HS3ST3A1: variants seen among roughly 807,000 people sequenced by gnomAD.
HS3ST3A1 encodes the protein heparan sulfate glucosamine 3-O-sulfotransferase 3A1.
A neutral mutation model predicts 25.7 loss-of-function variants in HS3ST3A1; 19 were observed. The observed-to-expected ratio is 0.74, with a 90% CI of 0.52 to 1.08. The LOEUF (loss-of-function observed/expected upper bound fraction) is 1.08. Among genes scored for constraint, HS3ST3A1 ranks in the 50% least tolerant of loss-of-function variants. The pLI, the probability that HS3ST3A1 is intolerant of heterozygous loss-of-function variation, is 0.00. For missense variants in HS3ST3A1, 459 were observed against 594.3 expected (o/e 0.77, Z 2.37); for synonymous variants, 226 against 278.6 (o/e 0.81, Z 1.88).
At chr17:13,583,137 A>T (rs1379218099) in intron 1 of HS3ST3A1, among the ~76,000 whole-genome samples, 1 of 152,180 alleles carries the variant, frequency 6.6e-6, no homozygotes, top group Non-Finnish European at 1.5e-5. Context: ...GGCATCTGTG[A>T]ATTTTAGGAC....
chr17:13,583,858 G>A (rs891890920), intron 1 of HS3ST3A1, among the ~76,000 whole-genome samples: 5 of 152,138 alleles, frequency 3.3e-5, no homozygotes, highest in Non-Finnish European at 7.4e-5. Flanking sequence ...GCTTAGTTTG[G>A]TTTTGTTTTG....
intron 1 of HS3ST3A1, among the ~76,000 whole-genome samples, chr17:13,589,402 C>G (rs945087642): frequency 1.3e-5 from 2 of 152,200 alleles, no homozygotes; most frequent in African/African-American, 4.8e-5. Context: ...CCTCTCCCCA[C>G]ATAAATATAA....
chr17:13,502,881 A>C (rs1403652096), intron 1 of HS3ST3A1, among the ~76,000 whole-genome samples: 2 of 19,102 alleles, frequency 1.0e-4, no homozygotes, highest in Non-Finnish European at 1.2e-4. Flanking sequence ...AACTATAATG[A>C]AAAAAAAAAA....
chr17:13,601,120 G>C lies in HS3ST3A1; in HGVS notation c.10C>G (p.Pro4Ala), dbSNP rs758443566. The change falls in exon 1 of 2, where the codon CCG (proline) becomes GCG (alanine). Residue 4 changes from proline to alanine, a missense_variant. Physicochemically the swap from Pro to Ala is conservative, Grantham distance 27. Coordinates refer to ENST00000284110, the MANE Select transcript of HS3ST3A1 (RefSeq NM_006042.3). Reference protein sequence around the residue: MAPPGPASALSTSA... With the variant: MAPAGPASALSTSA... Reference sequence around the variant, plus strand: ...GTGGAGAGGGCACTGGCCGGGCCCGGAGGGGCCATCCTAGCCGGAGGCGAC... The same window carrying C: ...GTGGAGAGGGCACTGGCCGGGCCCGCAGGGGCCATCCTAGCCGGAGGCGAC... 1.3e-6 allele frequency: 2 copies of C among 1,561,504 alleles called. No homozygotes were observed. The highest frequency in any genetic ancestry group is 3.7e-5 in the Admixed American group (2 of 53,520).
At chr17:13,595,710 A>G (rs1426538859) in intron 1 of HS3ST3A1, among the ~76,000 whole-genome samples, 1 of 152,218 alleles carries the variant, frequency 6.6e-6, no homozygotes, top group Non-Finnish European at 1.5e-5. Context: ...AGTTACTATC[A>G]CTTGGTGGAG....
chr17:13,594,889 T>C (rs1026201485), intron 1 of HS3ST3A1, among the ~76,000 whole-genome samples: 1 of 152,088 alleles, frequency 6.6e-6, no homozygotes, highest in Non-Finnish European at 1.5e-5. Context: ...GCAAATATGC[T>C]CTATCATGAT....
chr17:13,531,330 T>G (rs1490306814), intron 1 of HS3ST3A1, among the ~76,000 whole-genome samples: 1 of 152,186 alleles, frequency 6.6e-6, no homozygotes, highest in Non-Finnish European at 1.5e-5. Flanking sequence ...TAGCTCCCGT[T>G]GCATATCACC....
At chr17:13,526,142 C>T (rs777769638) in intron 1 of HS3ST3A1, among the ~76,000 whole-genome samples, 7 of 151,874 alleles carry the variant, frequency 4.6e-5, no homozygotes, top group African/African-American at 1.2e-4. Context: ...TGTGTCACTG[C>T]CCTGCAGTGC....
rs1906425775 is a variant in HS3ST3A1, at chr17:13,526,474, T to TATATATATATA, written c.600-29657_600-29656insTATATATATAT. On this transcript the variant is annotated intron_variant, in intron 1 of 1. Coordinates refer to ENST00000284110, the MANE Select transcript of HS3ST3A1 (RefSeq NM_006042.3). ...TTGAACTTGGATACAACTTTAATTT[T>TATATATATATA]TATATATATATATATATATATATAT... Among the ~76,000 whole-genome samples, 89 of 76,286 alleles carry TATATATATATA rather than the reference T, an allele frequency of 1.2e-3. 10 individuals carry two copies. The highest frequency in any genetic ancestry group is 1.5e-3 in the Non-Finnish European group (59 of 40,438). 50.0% of individuals were successfully genotyped at this position (76,286 alleles called of 152,430 possible).
chr17:13,532,128 T>C (rs1395542352), intron 1 of HS3ST3A1, among the ~76,000 whole-genome samples: 1 of 152,004 alleles, frequency 6.6e-6, no homozygotes, highest in Non-Finnish European at 1.5e-5. Context: ...ACAGCGTACT[T>C]TAAGGGGAGA....
intron 1 of HS3ST3A1, among the ~76,000 whole-genome samples, chr17:13,578,461 G>A (rs1908009506): frequency 6.6e-6 from 1 of 150,596 alleles, no homozygotes; most frequent in Non-Finnish European, 1.5e-5. Flanking sequence ...TACTTGGGAA[G>A]TGCAGGTAGA....
rs765096766 is a variant in HS3ST3A1 at position 13,600,581 on chromosome 17, G to C, written c.549C>G (p.Ala183=). The C allele has an allele frequency of 1.2e-5, 19 of 1,600,918 alleles. No individual in the cohort carries two copies. The highest frequency in any genetic ancestry group is 1.3e-5 in the Non-Finnish European group (15 of 1,178,232). ...RVHPDVRAVG[A]EPHFFDRSYD... ...AGCTGCGGTCGAAGAAGTGGGGCTC[G>C]GCGCCCACGGCGCGCACGTCGGGGT... is the stretch of plus-strand genomic sequence containing the variant. Residue 183 remains alanine, a synonymous_variant, in exon 1 of 2, where the codon GCC becomes GCG. Coordinates refer to ENST00000284110, the MANE Select transcript of HS3ST3A1 (RefSeq NM_006042.3).
chr17:13,557,180 G>T (rs575403099), intron 1 of HS3ST3A1, among the ~76,000 whole-genome samples: 1 of 152,320 alleles, frequency 6.6e-6, no homozygotes, highest in South Asian at 2.1e-4. Flanking sequence ...TTTCCTTAAT[G>T]GATGCCCTGC....
At chr17:13,578,476 T>C (rs187339599) in intron 1 of HS3ST3A1, among the ~76,000 whole-genome samples, 88 of 144,818 alleles carry the variant, frequency 6.1e-4, no homozygotes, top group African/African-American at 2.2e-3. Context: ...GGTAGAAGAA[T>C]CACTTGAACC....
In HS3ST3A1 at chr17:13,601,168, C is replaced by T. The variant is rs1908728708; in HGVS notation, c.-39G>A. The stretch of plus-strand genomic sequence containing the variant: ...GACGTCGGGCAACGCGCCGGCCATG[C>T]TAGGCCTGGACCCCGACAGGTGCCA... On this transcript the variant is annotated 5_prime_UTR_variant, in exon 1 of 2. The change abolishes the stop of an existing upstream ORF in the 5' untranslated region. Transcript: ENST00000284110. 6.9e-7 allele frequency: 1 copy of T among 1,442,634 alleles called. No homozygotes were observed. The highest frequency in any genetic ancestry group is 2.7e-5 in the East Asian group (1 of 36,406). The allele number at this position is 1,442,634 out of a possible 1,614,324, so 89.4% of individuals were successfully genotyped here.
intron 1 of HS3ST3A1, among the ~76,000 whole-genome samples, chr17:13,549,232 C>A (rs1290263723): frequency 6.6e-6 from 1 of 152,130 alleles, no homozygotes; most frequent in African/African-American, 2.4e-5. Flanking sequence ...CGAAGGTCTG[C>A]GGCTTCACTC....
chr17:13,545,913 G>A (rs1336544143), intron 1 of HS3ST3A1, among the ~76,000 whole-genome samples: 2 of 152,138 alleles, frequency 1.3e-5, no homozygotes, highest in Admixed American at 6.5e-5. Context: ...GGAAGCAGAG[G>A]CTGCGGTGAA....
chr17:13,504,909 T>C (rs1434697596), intron 1 of HS3ST3A1, among the ~76,000 whole-genome samples: 1 of 152,136 alleles, frequency 6.6e-6, no homozygotes, highest in Non-Finnish European at 1.5e-5. Flanking sequence ...CAGTGTAACC[T>C]GGAGGATGTG....
chr17:13,526,153 G>A (rs1281928459), intron 1 of HS3ST3A1, among the ~76,000 whole-genome samples: 4 of 151,844 alleles, frequency 2.6e-5, no homozygotes, highest in African/African-American at 4.8e-5. Flanking sequence ...CCTGCAGTGC[G>A]CCCTCCCTGG....
Sources: gnomAD v4.1 joint callset for allele counts (sites outside exome capture counted in the v4.1 genomes callset) on GRCh38, gnomAD v4.1.1 for gene constraint, MANE v1.5 for transcripts, NCBI Gene and HGNC (gene_info 2026-07-23, HGNC 2026-07-21) for gene names.